MTMR9: variants seen among roughly 807,000 people sequenced by gnomAD.
MTMR9 encodes the protein myotubularin-related protein 9.
A neutral mutation model predicts 69.5 loss-of-function variants in MTMR9; 39 were observed. That is an observed-to-expected ratio of 0.56 (90% CI 0.43 to 0.73). The LOEUF is 0.73. Ranked by LOEUF, MTMR9 falls within the 30% of genes least tolerant of loss-of-function variation. The probability of loss-of-function intolerance (pLI) is 0.00; values close to 1 mark genes in which losing one functional copy is unlikely to be tolerated. For missense variants in MTMR9, 900 were observed against 671.2 expected (o/e 1.34, Z -3.77); for synonymous variants, 354 against 240.8 (o/e 1.47, Z -4.35).
chr8:11,308,582 G>A (rs938869892), intron 5 of MTMR9, among the ~76,000 whole-genome samples: 2 of 152,104 alleles, frequency 1.3e-5, no homozygotes, highest in Non-Finnish European at 2.9e-5. Context: ...TAGGTTGTAT[G>A]CTTCTAGGAA....
downstream of MTMR9, among the ~76,000 whole-genome samples, chr8:11,332,592 G>GT (rs1376081563): frequency 1.5e-5 from 2 of 136,342 alleles, no homozygotes; most frequent in African/African-American, 5.0e-5. Context: ...GAGTTTGTTT[G>GT]TTTTTTGTTT....
the MTMR9 span, among the ~76,000 whole-genome samples, chr8:11,333,758 A>C: frequency 6.6e-6 from 1 of 152,252 alleles, no homozygotes; most frequent in Non-Finnish European, 1.5e-5. Flanking sequence ...GGAGTCCTTG[A>C]AGGTGAAATG....
intron 3 of MTMR9, among the ~76,000 whole-genome samples, chr8:11,301,059 A>G (rs1042110770): frequency 3.9e-5 from 6 of 152,246 alleles, no homozygotes; most frequent in African/African-American, 1.4e-4. Flanking sequence ...TTGCAGAAAC[A>G]AGTAGCAGGC....
chr8:11,297,655 A>C (rs970549519), intron 2 of MTMR9, among the ~76,000 whole-genome samples: 2 of 151,854 alleles, frequency 1.3e-5, no homozygotes, highest in Non-Finnish European at 1.5e-5. Context: ...GCCTGTGGTG[A>C]GGCACAGTGG....
chr8:11,331,153 C>A (rs775162152), downstream of MTMR9: 1 of 1,611,374 alleles, frequency 6.2e-7, no homozygotes. Flanking sequence ...TCCACACACC[C>A]ATCGCCGCCC....
intron 5 of MTMR9, 125 bp from the exon 6 acceptor site, chr8:11,309,402 A>C: frequency 1.3e-6 from 1 of 754,030 alleles, no homozygotes; most frequent in Non-Finnish European, 2.1e-6. Flanking sequence ...ATAGCAGGGT[A>C]AATATTTTTA....
chr8:11,319,930 GA>G, intron 9 of MTMR9, 92 bp downstream of exon 9: 3 of 1,354,362 alleles, frequency 2.2e-6, no homozygotes, highest in Non-Finnish European at 3.1e-6. Flanking sequence ...TGAAGATGGT[GA>G]GCTGGACGTG....
Position 11,300,139 on chromosome 8 carries a change from T to C in MTMR9, c.408T>C (p.Tyr136=), listed in dbSNP as rs1286356882. The C allele has an allele frequency of 2.5e-6, 4 of 1,613,076 alleles. No individual in the cohort carries two copies. The highest frequency in any genetic ancestry group is 3.4e-6 in the Non-Finnish European group (4 of 1,179,280). Residue 136 remains tyrosine, a synonymous_variant, in exon 3 of 10, where the codon TAT becomes TAC. Transcript: ENST00000221086. Reference sequence around the variant, plus strand: ...TTCCTGAGCAAGAATTTGAACTCTATTCTTCAGCTGTGAGTTAACTTTTGA... The same window carrying C: ...TTCCTGAGCAAGAATTTGAACTCTACTCTTCAGCTGTGAGTTAACTTTTGA... ...SFLPEQEFEL[Y]SSATSEWRLS... is the part of the protein sequence containing the mutation.
chr8:11,319,834 G>C lies in MTMR9; in HGVS notation c.1482G>C (p.Trp494Cys). 6.2e-7 allele frequency: 1 copy of C among 1,613,980 alleles called. No homozygotes were observed. The highest frequency in any genetic ancestry group is 8.5e-7 in the Non-Finnish European group (1 of 1,179,962). ...TTGCTCCGCAGAGTCTTCCACTGTG[G>C]GAAGGTAAACCACGCATCCTTTGCA... ...PSVAPQSLPL[W>C]EGIFLRWNRS... The change falls in exon 9 of 10, where the codon TGG becomes TGC. Residue 494 changes from tryptophan (W) to cysteine (C), a missense_variant. Trp to Cys is a radical substitution (Grantham distance 215). Coordinates refer to ENST00000221086, the MANE Select transcript of MTMR9 (RefSeq NM_015458.4).
At position 11,309,512 on chromosome 8, in the gene MTMR9, TCTTA is replaced by T. The variant is rs779093679; in HGVS notation, c.810-11_810-8del. On this transcript the variant is annotated splice_polypyrimidine_tract_variant and intron_variant, in intron 5 of 9. Coordinates refer to ENST00000221086, the MANE Select transcript of MTMR9 (RefSeq NM_015458.4). ...TTTCTGGGTTTGTTATTTTTTACTT[TCTTA>T]CTTTTAAAAGGTATCACATTCTTCA... 3.8e-6 allele frequency: 6 copies of T among 1,580,514 alleles called. No homozygotes were observed. Among genetic ancestry groups the T allele is most frequent in the Non-Finnish European group, 5.2e-6 (6 of 1,163,276 alleles).
In MTMR9 at chr8:11,325,660, T is replaced by TC. The variant is rs1800898913; in HGVS notation, c.*2872_*2873insC. ...GATCCTCAGATTTAAATAAGTACTT[T>TC]TTTTTTTTTTAATCAGAAGAACATT... is the stretch of plus-strand genomic sequence containing the variant. On this transcript the variant is annotated 3_prime_UTR_variant, in exon 10 of 10. Coordinates refer to ENST00000221086, the MANE Select transcript of MTMR9 (RefSeq NM_015458.4). 6.6e-6 allele frequency: 1 copy of TC among 151,430 alleles called. No homozygotes were observed. Among genetic ancestry groups the TC allele is most frequent in the South Asian group, 2.1e-4 (1 of 4,790 alleles). 9.4% of individuals were successfully genotyped at this position (151,430 alleles called of 1,614,324 possible).
At chr8:11,288,478 C>G (rs1043027831) in intron 1 of MTMR9, among the ~76,000 whole-genome samples, 1 of 151,512 alleles carries the variant, frequency 6.6e-6, no homozygotes, top group Non-Finnish European at 1.5e-5. Flanking sequence ...CAGGTGACAT[C>G]TGACTACAGA....
intron 3 of MTMR9, among the ~76,000 whole-genome samples, chr8:11,301,600 A>AT: frequency 6.6e-6 from 1 of 152,186 alleles, no homozygotes; most frequent in Non-Finnish European, 1.5e-5. Flanking sequence ...TTAGACAGAG[A>AT]TTTTTTAGAT....
At position 11,322,633 on chromosome 8, in the gene MTMR9, C is replaced by A; in HGVS notation, c.1495C>A (p.Leu499Ile). 1.2e-6 allele frequency: 2 copies of A among 1,612,948 alleles called. No individual in the cohort carries two copies. Among genetic ancestry groups the A allele is most frequent in the Non-Finnish European group, 8.5e-7 (1 of 1,179,544 alleles). ...ATTCCTGGATTCAATAGGTATTTTC[C>A]TACGTTGGAATAGATCCTCTAAGTA... ...QSLPLWEGIF[L>I]RWNRSSKYLD... The change falls in exon 10 of 10, where the codon CTA (leucine) becomes ATA (isoleucine). Residue 499 changes from leucine to isoleucine, a missense_variant. Physicochemically the swap from Leu to Ile is conservative, Grantham distance 5. Coordinates refer to ENST00000221086, the MANE Select transcript of MTMR9 (RefSeq NM_015458.4).
At position 11,314,961 on chromosome 8, in the gene MTMR9, C is replaced by A. The variant is rs765380671; in HGVS notation, c.1010C>A (p.Thr337Asn). Residue 337 changes from threonine to asparagine, a missense_variant, in exon 7 of 10, where the codon ACT (threonine) becomes AAT (asparagine). Thr to Asn is a moderately conservative substitution (Grantham distance 65). Transcript: ENST00000221086. ...ATATTGATTCACGGAACAGAAGGAA[C>A]TGATTCCACACTCCAGGTGACCTCC... ...ASILIHGTEGTDSTLQVTSLA... is the reference protein window; with the variant it reads ...ASILIHGTEGNDSTLQVTSLA... 1 of 1,613,810 alleles carries A rather than the reference C, an allele frequency of 6.2e-7. No individual in the cohort carries two copies. Among genetic ancestry groups the A allele is most frequent in the East Asian group, 2.2e-5 (1 of 44,888 alleles).
At chr8:11,320,014 C>A in intron 9 of MTMR9, 176 bp downstream of exon 9, 1 of 519,282 alleles carries the variant, frequency 1.9e-6, no homozygotes, top group Admixed American at 3.9e-5. Context: ...TATCTAGCCA[C>A]ACTTTTTTTT....
At chr8:11,338,553 G>C in the MTMR9 span, among the ~76,000 whole-genome samples, 1 of 152,348 alleles carries the variant, frequency 6.6e-6, no homozygotes, top group South Asian at 2.1e-4. Context: ...AGCAAAGCTG[G>C]AATGGTGACC....
rs1267962912 is a variant in MTMR9 at position 11,319,845 on chromosome 8, C to A, written c.1486+7C>A. ...AGTCTTCCACTGTGGGAAGGTAAAC[C>A]ACGCATCCTTTGCAAACTTCTTAAC... On this transcript the variant is annotated splice_region_variant and intron_variant, in intron 9 of 9. Transcript: ENST00000221086. The A allele has an allele frequency of 1.9e-6, 3 of 1,613,728 alleles. No individual in the cohort carries two copies. In the South Asian group the frequency reaches 3.3e-5, roughly 18 times the overall value.
In MTMR9 at chr8:11,316,678, T is replaced by C; in HGVS notation, c.1119T>C (p.Gly373=). 1 of 1,598,554 alleles carries C rather than the reference T, an allele frequency of 6.3e-7. No homozygotes were observed. The highest frequency in any genetic ancestry group is 1.1e-5 in the South Asian group (1 of 88,428). The change falls in exon 8 of 10, where the codon GGT becomes GGC. Residue 373 remains glycine (G), a synonymous_variant. Transcript: ENST00000221086. Reference sequence around the variant, plus strand: ...CGCCTCCATCTTCCCCCTAGGCTGGTCACCCATTCCAGCAGCGCTGTGCAC... The same window carrying C: ...CGCCTCCATCTTCCCCCTAGGCTGGCCACCCATTCCAGCAGCGCTGTGCAC... ...ALIEREWLQA[G]HPFQQRCAQS...
Sources: allele counts gnomAD v4.1 joint callset (sites outside exome capture counted in the v4.1 genomes callset), GRCh38; gene constraint gnomAD v4.1.1; transcripts MANE v1.5; gene names NCBI Gene and HGNC (gene_info 2026-07-23, HGNC 2026-07-21).